REL: variants seen among roughly 807,000 people sequenced by gnomAD.
REL encodes the protein REL proto-oncogene, NF-kB subunit.
In REL, 15 loss-of-function variants were observed where a neutral mutation model predicts 45.9. The observed-to-expected ratio is 0.33, with a 90% CI of 0.22 to 0.50. The LOEUF is 0.50. Among genes scored for constraint, REL ranks in the 20% least tolerant of loss-of-function variants. REL has a pLI of 0.98. For missense variants in REL, 601 were observed against 715.2 expected (o/e 0.84, Z 1.82); for synonymous variants, 239 against 242.1 (o/e 0.99, Z 0.12).
At chr2:60,897,518 G>A (rs1673381649) in intron 3 of REL, among the ~76,000 whole-genome samples, 1 of 151,816 alleles carries the variant, frequency 6.6e-6, no homozygotes, top group South Asian at 2.1e-4. Flanking sequence ...ATGTTGGCCA[G>A]GCTTGTCTCA....
chr2:60,887,616 T>C (rs990009827), intron 1 of REL, among the ~76,000 whole-genome samples: 1 of 150,766 alleles, frequency 6.6e-6, no homozygotes, highest in African/African-American at 2.4e-5. Flanking sequence ...ACTATGGTAG[T>C]TTAAAGGAGG....
chr2:60,912,690 A>T (rs1444280107), intron 4 of REL, among the ~76,000 whole-genome samples: 1 of 152,164 alleles, frequency 6.6e-6, no homozygotes. Flanking sequence ...ACTGTTCAAT[A>T]CACAGTTTTG....
chr2:60,906,837 ATATATATGTGTGTG>A (rs1361956321), intron 4 of REL, among the ~76,000 whole-genome samples: 1 of 144,080 alleles, frequency 6.9e-6, no homozygotes, highest in Admixed American at 7.0e-5. Context: ...GTGTGTGTAT[ATATATATGTGTGTG>A]TATGTATGTG....
chr2:60,890,836 T>G (rs1456050650), intron 1 of REL, among the ~76,000 whole-genome samples: 8 of 152,208 alleles, frequency 5.3e-5, no homozygotes, highest in Admixed American at 5.2e-4. Context: ...AGTGATCTGC[T>G]ATCGTTCATT....
chr2:60,907,776 T>C (rs1673703079), intron 4 of REL, among the ~76,000 whole-genome samples: 1 of 151,276 alleles, frequency 6.6e-6, no homozygotes, highest in African/African-American at 2.4e-5. Context: ...CTGCAAGCTC[T>C]GTCTCCCAGG....
intron 9 of REL, 55 bp downstream of exon 9, chr2:60,920,697 C>T (rs1674117827): frequency 1.3e-5 from 14 of 1,079,168 alleles, no homozygotes; most frequent in Non-Finnish European, 1.9e-5. Flanking sequence ...GTACTTTGCA[C>T]AATATATTGG....
At chr2:60,886,166 A>G (rs1673066355) in intron 1 of REL, among the ~76,000 whole-genome samples, 1 of 152,192 alleles carries the variant, frequency 6.6e-6, no homozygotes, top group Non-Finnish European at 1.5e-5. Flanking sequence ...AGGCTTTTTC[A>G]GCAACGTGTA....
At chr2:60,903,127 A>G (rs2103950806) in intron 4 of REL, among the ~76,000 whole-genome samples, 1 of 152,326 alleles carries the variant, frequency 6.6e-6, no homozygotes, top group East Asian at 1.9e-4. Context: ...ATTATAAGTG[A>G]TAGCTATCAT....
At chr2:60,899,016 A>G (rs1389652015) in intron 3 of REL, 1 of 152,252 alleles carries the variant, frequency 6.6e-6, no homozygotes, top group Non-Finnish European at 1.5e-5. Flanking sequence ...AATAGCAGTC[A>G]AATATGAGAT....
chr2:60,906,914 T>TATA (rs386355018), intron 4 of REL, among the ~76,000 whole-genome samples: 1,532 of 86,100 alleles, frequency 0.018, 22 homozygotes, highest in African/African-American at 0.066. Context: ...TATATATATA[T>TATA]TTTTTTTTTT....
chr2:60,917,028 C>T lies in REL; in HGVS notation c.535+11C>T. The T allele has an allele frequency of 1.9e-6, 3 of 1,600,048 alleles. No individual in the cohort carries two copies. Among genetic ancestry groups the T allele is most frequent in the Non-Finnish European group, 2.6e-6 (3 of 1,173,324 alleles). ...CAATTTATGACAACCGTAAGTACTTCATTTTCTTATATTTGTAGTCTTAAC... is the reference window on the plus strand; with the variant it reads ...CAATTTATGACAACCGTAAGTACTTTATTTTCTTATATTTGTAGTCTTAAC... On this transcript the variant is annotated intron_variant, in intron 5 of 9. Transcript: ENST00000394479.
chr2:60,908,826 G>A (rs1048337252), intron 4 of REL, among the ~76,000 whole-genome samples: 1 of 152,158 alleles, frequency 6.6e-6, no homozygotes, highest in Admixed American at 6.6e-5. Flanking sequence ...GAGAGTAAAA[G>A]GCTGCTATAC....
chr2:60,917,804 T>C (rs552473414), intron 5 of REL, among the ~76,000 whole-genome samples: 6 of 151,668 alleles, frequency 4.0e-5, no homozygotes, highest in African/African-American at 1.2e-4. Context: ...TAGAGAGACT[T>C]AGGGCTATAA....
At chr2:60,883,223 TA>T (rs1484013905) in intron 1 of REL, among the ~76,000 whole-genome samples, 1 of 152,152 alleles carries the variant, frequency 6.6e-6, no homozygotes, top group Admixed American at 6.5e-5. Context: ...CCCTCAGAAG[TA>T]GGCTGATGTC....
At chr2:60,901,222 C>G in intron 4 of REL, 139 bp downstream of exon 4, 3 of 1,080,058 alleles carry the variant, frequency 2.8e-6, no homozygotes, top group South Asian at 1.8e-5. Context: ...ATGGCGCGAT[C>G]TCAGCTCACT....
intron 1 of REL, among the ~76,000 whole-genome samples, chr2:60,886,591 G>T (rs1673077251): frequency 6.6e-6 from 1 of 152,056 alleles, no homozygotes; most frequent in Non-Finnish European, 1.5e-5. Flanking sequence ...GATCAAATGA[G>T]AAATGTATAT....
chr2:60,921,506 G>A (rs546244747), intron 9 of REL, among the ~76,000 whole-genome samples: 2 of 152,178 alleles, frequency 1.3e-5, no homozygotes, highest in Non-Finnish European at 1.5e-5. Flanking sequence ...TTTAATTGAA[G>A]TGAAATTACA....
intron 7 of REL, among the ~76,000 whole-genome samples, chr2:60,919,588 A>C (rs2103984096): frequency 6.6e-6 from 1 of 150,924 alleles, no homozygotes; most frequent in South Asian, 2.1e-4. Flanking sequence ...ACCACACCCG[A>C]CTCATTTTGT....
chr2:60,926,069 C>G lies in REL; in HGVS notation c.*3534C>G, dbSNP rs1674260907. 4.3e-6 allele frequency: 1 copy of G among 230,282 alleles called. No individual in the cohort carries two copies. Among genetic ancestry groups the G allele is most frequent in the East Asian group, 6.1e-5 (1 of 16,318 alleles). The allele number at this position is 230,282 out of a possible 1,614,324, so 14.3% of individuals were successfully genotyped here. ...TCTCTACATATATTCATGCTTTCAC[C>G]TGCTCTTTTAACACCTGCTTTTAGT... On this transcript the variant is annotated 3_prime_UTR_variant, in exon 10 of 10. Transcript: ENST00000394479.
Sources: allele counts gnomAD v4.1 joint callset (sites outside exome capture counted in the v4.1 genomes callset), GRCh38; gene constraint gnomAD v4.1.1; transcripts MANE v1.5; gene names NCBI Gene and HGNC (gene_info 2026-07-23, HGNC 2026-07-21).